Variants in BTD observed in about 807,000 individuals in gnomAD.
The protein encoded by BTD is biocytinase.
A neutral mutation model predicts 17.7 loss-of-function variants in BTD; 13 were observed. That is an observed-to-expected ratio of 0.74 (90% confidence interval 0.48 to 1.17). The LOEUF is 1.17. Among genes scored for constraint, BTD ranks in the 50% most tolerant of loss-of-function variants. BTD has a pLI of 0.00. For missense variants in BTD, 674 were observed against 650.4 expected, an observed-to-expected ratio of 1.04 and a Z score of -0.39; for synonymous variants, 240 against 245.2, an observed-to-expected ratio of 0.98 and a Z score of 0.20.
At chr3:15,719,137 G>GT (rs2073412629) in intron 4 of BTD, among the ~76,000 whole-genome samples, 3 of 152,262 alleles carry the variant, frequency 2.0e-5, no homozygotes, top group African/African-American at 7.2e-5. Context: ...GACATCTCAT[G>GT]TTTTTTCTTC....
downstream of BTD, among the ~76,000 whole-genome samples, chr3:15,717,249 G>T (rs1178858960): frequency 6.6e-6 from 1 of 152,080 alleles, no homozygotes; most frequent in Non-Finnish European, 1.5e-5. Flanking sequence ...AGGTAGCTGG[G>T]ACTAAAGGCA....
At chr3:15,601,944 G>T in intron 1 of BTD, 50 bp downstream of exon 1, 7 of 1,602,848 alleles carry the variant, frequency 4.4e-6, no homozygotes, top group Non-Finnish European at 2.6e-6. Flanking sequence ...AAGGGCGTGC[G>T]GTCCAGACCC....
chr3:15,670,666 G>T, intron 3 of BTD: 1 of 1,117,988 alleles, frequency 8.9e-7, no homozygotes, highest in Non-Finnish European at 1.2e-6. Flanking sequence ...ACATTACTTA[G>T]CTTATAATAA....
chr3:15,712,174 G>A (rs753546905), exon 4 of BTD: 26 of 1,584,792 alleles, frequency 1.6e-5, no homozygotes, highest in Non-Finnish European at 8.6e-7. Flanking sequence ...AATCTGAAAA[G>A]CCGCTTAAGG....
At chr3:15,713,630 C>A, downstream of BTD, 1 of 1,603,668 alleles carries the variant, frequency 6.2e-7, no homozygotes, top group South Asian at 1.1e-5. Flanking sequence ...TCCTCACAGT[C>A]GATTACAGCT....
intron 3 of BTD, among the ~76,000 whole-genome samples, chr3:15,664,724 A>AT (rs1165005507): frequency 8.9e-6 from 1 of 112,952 alleles, no homozygotes; most frequent in East Asian, 2.1e-4. Flanking sequence ...CCATGAAGGG[A>AT]TTTAAAAAAA....
Position 15,671,566 on chromosome 3 carries a change from A to G in BTD, c.399+29509A>G, listed in dbSNP as rs1184313107. Among the ~76,000 whole-genome samples the G allele has an allele frequency of 2.6e-5, 4 of 151,310 alleles. No individual in the cohort carries two copies. The East Asian group carries it at 7.7e-4, about 29-fold the overall frequency. On this transcript the variant is annotated intron_variant, in intron 3 of 3. Transcript: ENST00000672141. Reference sequence around the variant, plus strand: ...ATTTCCTTGCTTTCAACTTGGAGTCATAAACACTATAGTTTTTTTTTTGTT... The same window carrying G: ...ATTTCCTTGCTTTCAACTTGGAGTCGTAAACACTATAGTTTTTTTTTTGTT...
At chr3:15,658,085 T>G (rs966892302), downstream of BTD, among the ~76,000 whole-genome samples, 1 of 151,432 alleles carries the variant, frequency 6.6e-6, no homozygotes, top group Non-Finnish European at 1.5e-5. Context: ...GGAGAATCGC[T>G]TGAACCGGGG....
chr3:15,711,328 A>G, exon 4 of BTD: 1 of 1,415,410 alleles, frequency 7.1e-7, no homozygotes, highest in South Asian at 1.2e-5. Context: ...TACACTAAAG[A>G]ATTGTGTCAT....
intron 1 of BTD, among the ~76,000 whole-genome samples, chr3:15,602,620 G>A (rs564127935): frequency 2.6e-5 from 4 of 152,148 alleles, no homozygotes; most frequent in Non-Finnish European, 5.9e-5. Context: ...TAAGCAAAAA[G>A]AACAGTGATA....
At chr3:15,663,617 T>C (rs989902224) in intron 3 of BTD, among the ~76,000 whole-genome samples, 7 of 152,232 alleles carry the variant, frequency 4.6e-5, no homozygotes, top group African/African-American at 1.7e-4. Context: ...TTGTTCATGA[T>C]ATTCCTTTAT....
chr3:15,669,982 C>T, intron 3 of BTD: 1 of 344,086 alleles, frequency 2.9e-6, no homozygotes, highest in East Asian at 5.7e-5. Context: ...TTAGAGTGCA[C>T]AGTGTCCCCA....
At chr3:15,631,414 C>T in intron 1 of BTD, 3 of 1,516,354 alleles carry the variant, frequency 2.0e-6, no homozygotes, top group Non-Finnish European at 2.7e-6. Flanking sequence ...TAATCCCTCT[C>T]ATTTTATTTC....
intron 3 of BTD, among the ~76,000 whole-genome samples, chr3:15,710,009 A>G (rs2072011642): frequency 6.7e-6 from 1 of 149,906 alleles, no homozygotes; most frequent in Admixed American, 6.8e-5. Flanking sequence ...GATTCTGAGG[A>G]GGCTTTAGGA....
chr3:15,686,319 G>A (rs1328468382), intron 3 of BTD: 9 of 1,551,822 alleles, frequency 5.8e-6, no homozygotes, highest in East Asian at 2.3e-5. Context: ...GCTGTAAAGT[G>A]AAATTTAAAC....
chr3:15,718,483 T>TA (rs1402726716), intron 4 of BTD, among the ~76,000 whole-genome samples: 5 of 152,308 alleles, frequency 3.3e-5, no homozygotes, highest in African/African-American at 1.2e-4. Flanking sequence ...GTGGGCCTCT[T>TA]AGAGGACTGA....
intron 3 of BTD, chr3:15,709,825 T>G (rs1025498401): frequency 1.3e-6 from 1 of 763,944 alleles, no homozygotes; most frequent in Non-Finnish European, 2.1e-6. Context: ...AAGCATGTTT[T>G]TATATGAAGA....
rs372312590 is a variant in BTD at position 15,720,937 on chromosome 3, T to A, written c.1016-833T>A. The A allele has an allele frequency of 6.2e-7, 1 of 1,613,584 alleles. No homozygotes were observed. Among genetic ancestry groups the A allele is most frequent in the Non-Finnish European group, 8.5e-7 (1 of 1,179,752 alleles). On this transcript the variant is annotated intron_variant, in intron 4 of 4. Coordinates refer to the BTD transcript ENST00000672427. ...TACCTTCATATTGACATCGGCCCCA[T>A]TGCCAACTAGAAGCTCTAAACACAA...
At chr3:15,640,857 G>A (rs188635945) in intron 2 of BTD, among the ~76,000 whole-genome samples, 7 of 43,744 alleles carry the variant, frequency 1.6e-4, no homozygotes, top group African/African-American at 4.0e-4. Flanking sequence ...GTTTTTTCCC[G>A]TTTTCCAAAT....
Sources: gnomAD v4.1 joint callset for allele counts (sites outside exome capture counted in the v4.1 genomes callset) on GRCh38, gnomAD v4.1.1 for gene constraint, MANE v1.5 for transcripts, NCBI Gene and HGNC (gene_info 2026-07-23, HGNC 2026-07-21) for gene names.